PKNOX2: variants seen among roughly 807,000 people sequenced by gnomAD.
PKNOX2 encodes PBX/knotted 1 homeobox 2.
A neutral mutation model predicts 53.1 loss-of-function variants in PKNOX2; 14 were observed. The ratio of observed to expected loss-of-function variants is 0.26; its 90% CI spans 0.17 to 0.41. The LOEUF (loss-of-function observed/expected upper bound fraction) is 0.41. Among genes scored for constraint, PKNOX2 ranks in the 10% least tolerant of loss-of-function variants. The pLI is 1.00. For missense variants in PKNOX2, 496 were observed against 602.8 expected (o/e 0.82, Z 1.85); for synonymous variants, 257 against 242.8 (o/e 1.06, Z -0.54).
At chr11:125,184,897 C>G (rs138466039) in intron 1 of PKNOX2, among the ~76,000 whole-genome samples, 1 of 152,136 alleles carries the variant, frequency 6.6e-6, no homozygotes, top group African/African-American at 2.4e-5. Context: ...AAACAAACCA[C>G]GAAGAAAGAC....
chr11:125,351,513 C>T (rs1350594337), intron 4 of PKNOX2, 121 bp downstream of exon 4: 3 of 663,368 alleles, frequency 4.5e-6, no homozygotes, highest in African/African-American at 1.8e-5. Context: ...CCCGCAATCA[C>T]GTCCTGGTGG....
chr11:125,431,456 G>GT lies in PKNOX2; in HGVS notation c.*65dup, dbSNP rs1956700760. On this transcript the variant is annotated 3_prime_UTR_variant, in exon 13 of 13. Coordinates refer to ENST00000298282, the MANE Select transcript of PKNOX2 (RefSeq NM_001382323.2). ...GGAGTGTCGCCGGGAGGCCTTCAGG[G>GT]TGGGGGGGAAGGGGACATGGGCAGG... 3.7e-6 allele frequency: 2 copies of GT among 534,444 alleles called. No homozygotes were observed. Among genetic ancestry groups the GT allele is most frequent in the Non-Finnish European group, 3.1e-6 (1 of 323,608 alleles). The allele number at this position is 534,444 out of a possible 1,614,324, so 33.1% of individuals were successfully genotyped here.
chr11:125,413,933 T>C lies in PKNOX2; in HGVS notation c.936+2068T>C, dbSNP rs573216085. ...ACCTGCTCACTGACTCTCCTCACCC[T>C]ATCTGTGGCCTTCCCCTTCACTACT... is the stretch of plus-strand genomic sequence containing the variant. On this transcript the variant is annotated intron_variant, in intron 10 of 12. Transcript: ENST00000298282. Among the ~76,000 whole-genome samples the C allele has an allele frequency of 9.9e-5, 15 of 152,282 alleles. No individual in the cohort carries two copies. In the East Asian group the frequency reaches 1.9e-3, roughly 20 times the overall value.
intron 6 of PKNOX2, among the ~76,000 whole-genome samples, chr11:125,391,907 T>G (rs746474032): frequency 6.6e-6 from 1 of 152,178 alleles, no homozygotes; most frequent in Admixed American, 6.5e-5. Flanking sequence ...CTAGAAGATT[T>G]GGAATAAATT....
At chr11:125,356,639 G>A (rs907623146) in intron 4 of PKNOX2, among the ~76,000 whole-genome samples, 8 of 152,346 alleles carry the variant, frequency 5.3e-5, no homozygotes, top group South Asian at 2.1e-4. Context: ...CCTGCAAGAG[G>A]AAGGCTAAGG....
intron 1 of PKNOX2, among the ~76,000 whole-genome samples, chr11:125,213,689 C>T (rs566786819): frequency 9.2e-4 from 140 of 152,210 alleles, no homozygotes; most frequent in African/African-American, 3.2e-3. Context: ...AACTCTTGGG[C>T]TCAAGTGATC....
intron 5 of PKNOX2, among the ~76,000 whole-genome samples, chr11:125,372,597 G>T (rs1952619632): frequency 6.6e-6 from 1 of 152,214 alleles, no homozygotes; most frequent in African/African-American, 2.4e-5. Flanking sequence ...AAATGCCAAG[G>T]CAGTCTGTCT....
chr11:125,243,066 A>G (rs1943282005), intron 2 of PKNOX2, among the ~76,000 whole-genome samples: 1 of 152,242 alleles, frequency 6.6e-6, no homozygotes, highest in African/African-American at 2.4e-5. Flanking sequence ...TGGAGGATTA[A>G]AAGAGATATG....
At chr11:125,272,306 C>A (rs988928572) in intron 2 of PKNOX2, among the ~76,000 whole-genome samples, 1 of 152,102 alleles carries the variant, frequency 6.6e-6, no homozygotes, top group Non-Finnish European at 1.5e-5. Flanking sequence ...GTCTGGCTCT[C>A]GATGAATCAT....
chr11:125,285,964 T>G (rs1489536407), intron 2 of PKNOX2, among the ~76,000 whole-genome samples: 1 of 152,130 alleles, frequency 6.6e-6, no homozygotes, highest in African/African-American at 2.4e-5. Flanking sequence ...ATTGGTAGCT[T>G]GAAACTGGCC....
intron 7 of PKNOX2, among the ~76,000 whole-genome samples, chr11:125,404,134 C>T (rs952725596): frequency 1.3e-5 from 2 of 152,144 alleles, no homozygotes; most frequent in African/African-American, 4.8e-5. Context: ...GCAATCTACC[C>T]TGGAAAGATC....
intron 5 of PKNOX2, among the ~76,000 whole-genome samples, chr11:125,376,107 T>C (rs2135297981): frequency 6.6e-6 from 1 of 152,270 alleles, no homozygotes; most frequent in South Asian, 2.1e-4. Context: ...TGTGCGTGCA[T>C]GTGTCTGAAG....
intron 4 of PKNOX2, among the ~76,000 whole-genome samples, chr11:125,362,400 G>T (rs990278296): frequency 6.6e-6 from 1 of 152,012 alleles, no homozygotes; most frequent in Non-Finnish European, 1.5e-5. Context: ...TAGAGACAGG[G>T]TCTTGCTCTA....
intron 1 of PKNOX2, among the ~76,000 whole-genome samples, chr11:125,189,720 C>G (rs910545235): frequency 6.6e-6 from 1 of 151,676 alleles, no homozygotes; most frequent in Non-Finnish European, 1.5e-5. Context: ...TCTCTGCACT[C>G]TATGCCACTT....
chr11:125,340,716 C>T (rs953388482), intron 3 of PKNOX2, among the ~76,000 whole-genome samples: 1 of 152,140 alleles, frequency 6.6e-6, no homozygotes, highest in Admixed American at 6.5e-5. Flanking sequence ...GCTGCTGGGA[C>T]TCAAAGGGTT....
At chr11:125,393,240 T>C (rs923599776) in intron 6 of PKNOX2, among the ~76,000 whole-genome samples, 3 of 151,872 alleles carry the variant, frequency 2.0e-5, no homozygotes, top group Non-Finnish European at 4.4e-5. Flanking sequence ...ATGTGGCATA[T>C]AGTAAGACTC....
intron 1 of PKNOX2, among the ~76,000 whole-genome samples, chr11:125,167,122 T>C (rs1168212978): frequency 8.4e-6 from 1 of 119,760 alleles, no homozygotes; most frequent in Non-Finnish European, 1.7e-5. Flanking sequence ...AGCTGTGGGG[T>C]GTGGGGTGGG....
intron 2 of PKNOX2, among the ~76,000 whole-genome samples, chr11:125,260,439 T>A (rs1159629855): frequency 2.6e-5 from 4 of 151,526 alleles, no homozygotes; most frequent in Non-Finnish European, 5.9e-5. Context: ...CCTCGTGATC[T>A]GCCTACCTCG....
At chr11:125,189,423 G>GTGTATATATA (rs1565465050) in intron 1 of PKNOX2, among the ~76,000 whole-genome samples, 28 of 44,346 alleles carry the variant, frequency 6.3e-4, no homozygotes, top group East Asian at 3.6e-3. Context: ...ATGTGTGTGT[G>GTGTATATATA]TGTGTGTGTG....
Sources: gnomAD v4.1 joint callset for allele counts (sites outside exome capture counted in the v4.1 genomes callset) on GRCh38, gnomAD v4.1.1 for gene constraint, MANE v1.5 for transcripts, NCBI Gene and HGNC (gene_info 2026-07-23, HGNC 2026-07-21) for gene names.